The following RPGRIP1L variants were observed in gnomAD, a reference collection of about 807,000 sequenced individuals.
RPGRIP1L encodes the protein protein fantom.
A neutral mutation model predicts 160.4 loss-of-function variants in RPGRIP1L; 131 were observed. The observed-to-expected ratio is 0.82, with a 90% CI of 0.71 to 0.94. RPGRIP1L has a LOEUF of 0.94. Ranked by LOEUF, RPGRIP1L falls within the 40% of genes least tolerant of loss-of-function variation. The pLI is 0.00. For missense variants in RPGRIP1L, 1,522 were observed against 1,535.8 expected (o/e 0.99, Z 0.15); for synonymous variants, 510 against 515.8 (o/e 0.99, Z 0.15).
At chr16:53,616,897 T>C (rs999469419) in intron 24 of RPGRIP1L, among the ~76,000 whole-genome samples, 1 of 150,286 alleles carries the variant, frequency 6.7e-6, no homozygotes, top group Admixed American at 6.6e-5. Flanking sequence ...CATGGTGAAA[T>C]CTCGTCTCTA....
chr16:53,695,539 A>T (rs1970690997), intron 3 of RPGRIP1L: 2 of 643,928 alleles, frequency 3.1e-6, no homozygotes, highest in African/African-American at 3.6e-5. Flanking sequence ...CCCCTCAGAA[A>T]ATAGGCACAG....
In RPGRIP1L at chr16:53,653,699, C is replaced by T. The variant is rs553863109; in HGVS notation, c.1700-712G>A. Among the ~76,000 whole-genome samples the T allele has an allele frequency of 2.0e-4, 30 of 152,306 alleles. No individual in the cohort carries two copies. The South Asian group carries it at 6.0e-3, about 31-fold the overall frequency. On this transcript the variant is annotated intron_variant, in intron 14 of 26. Coordinates refer to ENST00000647211, the MANE Select transcript of RPGRIP1L (RefSeq NM_015272.5). ...CTCTGCTTCTCCTCCTATCCTTCTT[C>T]TCATTCTTTTGGGATTTCTCTTCGT...
At chr16:53,686,248 G>A (rs1567879507) in intron 6 of RPGRIP1L, among the ~76,000 whole-genome samples, 185 bp downstream of exon 6, 1 of 152,160 alleles carries the variant, frequency 6.6e-6, no homozygotes, top group Non-Finnish European at 1.5e-5. Context: ...GCAGGTTAGG[G>A]AAAACTGTCT....
rs147374842 is a variant in RPGRIP1L, at chr16:53,653,456, C to T, written c.1700-469G>A. On this transcript the variant is annotated intron_variant, in intron 14 of 26. Coordinates refer to ENST00000647211, the MANE Select transcript of RPGRIP1L (RefSeq NM_015272.5). Reference sequence around the variant, plus strand: ...ATCCTGATCATGATGATGGTTTCACCGTTATATACAGAGGCCAACCAAATA... The same window carrying T: ...ATCCTGATCATGATGATGGTTTCACTGTTATATACAGAGGCCAACCAAATA... 5.4e-4 allele frequency: 294 copies of T among 544,306 alleles called. 2 individuals carry two copies. Among genetic ancestry groups the T allele is most frequent in the African/African-American group, 5.0e-3 (244 of 48,838 alleles). 33.7% of individuals were successfully genotyped at this position (544,306 alleles called of 1,614,324 possible).
At chr16:53,605,304 A>G (rs1479274816) in intron 26 of RPGRIP1L, 177 bp downstream of exon 26, 5 of 666,724 alleles carry the variant, frequency 7.5e-6, no homozygotes, top group South Asian at 5.1e-5. Context: ...AGGGGGGAGG[A>G]CAGGAAAAGG....
At chr16:53,695,037 T>A in intron 3 of RPGRIP1L, 1 of 346,534 alleles carries the variant, frequency 2.9e-6, no homozygotes, top group Middle Eastern at 7.7e-4. Context: ...ACAACTTGAT[T>A]CCTAGCTCAG....
intron 22 of RPGRIP1L, among the ~76,000 whole-genome samples, chr16:53,626,145 T>TAAAA (rs760491478): frequency 1.1e-3 from 68 of 60,496 alleles, no homozygotes; most frequent in East Asian, 2.8e-3. Context: ...CAATAAATAC[T>TAAAA]AAAAAAAAAA....
At chr16:53,690,920 C>T (rs533734988) in intron 4 of RPGRIP1L, among the ~76,000 whole-genome samples, 1 of 152,260 alleles carries the variant, frequency 6.6e-6, no homozygotes, top group Non-Finnish European at 1.5e-5. Flanking sequence ...TAGTTGTATT[C>T]AGAGTCTACT....
At chr16:53,679,969 G>GAGTTAAATTCTTCCCACTCTTCAA (rs542184303) in intron 6 of RPGRIP1L, among the ~76,000 whole-genome samples, 1 of 152,116 alleles carries the variant, frequency 6.6e-6, no homozygotes, top group Non-Finnish European at 1.5e-5. Flanking sequence ...CTCGCTCTAA[G>GAGTTAAATTCTTCCCACTCTTCAA]AGTTAAATTC....
chr16:53,676,059 A>G (rs950765422), intron 6 of RPGRIP1L, among the ~76,000 whole-genome samples: 2 of 152,202 alleles, frequency 1.3e-5, no homozygotes, highest in African/African-American at 4.8e-5. Flanking sequence ...AAACTTATCT[A>G]GTGTACACAT....
intron 11 of RPGRIP1L, 141 bp from the exon 12 acceptor site, chr16:53,658,605 G>A (rs1967474266): frequency 2.3e-6 from 2 of 861,650 alleles, no homozygotes; most frequent in South Asian, 2.9e-5. Flanking sequence ...ACATTCCAGT[G>A]CTTCAAAATG....
At chr16:53,646,041 C>T in intron 16 of RPGRIP1L, 38 bp from the exon 17 acceptor site, 1 of 1,601,538 alleles carries the variant, frequency 6.2e-7, no homozygotes, top group Non-Finnish European at 8.6e-7. Flanking sequence ...GGAAATAACA[C>T]AGTTAAAAGA....
chr16:53,697,518 C>T (rs1470115893), intron 2 of RPGRIP1L, among the ~76,000 whole-genome samples: 1 of 151,358 alleles, frequency 6.6e-6, no homozygotes, highest in African/African-American at 2.4e-5. Flanking sequence ...CACGCCGCCA[C>T]GCCTGGCTGG....
Position 53,624,766 on chromosome 16 carries a change from T to TC in RPGRIP1L, c.3295-2411dup, listed in dbSNP as rs1035013215. On this transcript the variant is annotated intron_variant, in intron 22 of 26. Coordinates refer to ENST00000647211, the MANE Select transcript of RPGRIP1L (RefSeq NM_015272.5). Reference sequence around the variant, plus strand: ...AAATGGGAGTCCCTCCCCCTCCCCCTCCCCCTCCCCCTCGTCTCAGTCTCC... The same window carrying TC: ...AAATGGGAGTCCCTCCCCCTCCCCCTCCCCCCTCCCCCTCGTCTCAGTCTCC... Among the ~76,000 whole-genome samples, 8 of 64,162 alleles carry TC rather than the reference T, an allele frequency of 1.2e-4. No homozygotes were observed. In the East Asian group the frequency reaches 3.6e-3, roughly 29 times the overall value. The allele number at this position is 64,162 out of a possible 152,430, so 42.1% of individuals were successfully genotyped here.
chr16:53,687,868 T>A lies in RPGRIP1L; in HGVS notation c.627A>T (p.Arg209Ser). Residue 209 changes from arginine (R) to serine (S), a missense_variant, in exon 5 of 27, where the codon AGA becomes AGT. Physicochemically the swap from Arg to Ser is moderately radical, Grantham distance 110. Coordinates refer to ENST00000647211, the MANE Select transcript of RPGRIP1L (RefSeq NM_015272.5). ...CCACAAAAAAGAACACATACAAATT[T>A]CTTATTTCTCCTCTGGCTTCTTCAA... Reference protein sequence around the residue: ...SLLEEARGEIRNLENVIQSQR... With the variant: ...SLLEEARGEISNLENVIQSQR... 1 of 1,591,164 alleles carries A rather than the reference T, an allele frequency of 6.3e-7. No individual in the cohort carries two copies. Among genetic ancestry groups the A allele is most frequent in the South Asian group, 1.1e-5 (1 of 90,446 alleles).
At chr16:53,649,213 A>G in intron 15 of RPGRIP1L, 98 bp from the exon 16 acceptor site, 1 of 982,974 alleles carries the variant, frequency 1.0e-6, no homozygotes, top group Non-Finnish European at 1.6e-6. Context: ...AAAACTATAC[A>G]TTTTATGCTG....
intron 23 of RPGRIP1L, 124 bp downstream of exon 23, chr16:53,622,095 T>G (rs2150974046): frequency 3.3e-6 from 1 of 305,710 alleles, no homozygotes; most frequent in Non-Finnish European, 5.9e-6. Context: ...CCCGGCGCAG[T>G]GGCTCATGCC....
chr16:53,613,428 G>T (rs1373064602), intron 24 of RPGRIP1L, among the ~76,000 whole-genome samples: 1 of 151,732 alleles, frequency 6.6e-6, no homozygotes, highest in African/African-American at 2.4e-5. Flanking sequence ...TCCCACCTTA[G>T]CCCTTAGCCT....
Position 53,692,163 on chromosome 16 carries a change from A to C in RPGRIP1L, c.432T>G (p.Gly144=). 1 of 1,613,872 alleles carries C rather than the reference A, an allele frequency of 6.2e-7. No homozygotes were observed. The highest frequency in any genetic ancestry group is 8.5e-7 in the Non-Finnish European group (1 of 1,179,988). The change falls in exon 4 of 27, where the codon GGT becomes GGG. Residue 144 remains glycine (G), a synonymous_variant. Transcript: ENST00000647211. The stretch of plus-strand genomic sequence containing the variant: ...CATTATTGTATGGAGTTTGCCTGTA[A>C]CCCTGGGTTTGAAGTTGCTGTTTGG... ...ISAKQQLQTQ[G]YRQTPYNNVQ...
Sources: allele counts gnomAD v4.1 joint callset (sites outside exome capture counted in the v4.1 genomes callset), GRCh38; gene constraint gnomAD v4.1.1; transcripts MANE v1.5; gene names NCBI Gene and HGNC (gene_info 2026-07-23, HGNC 2026-07-21).